GOLGA8J: variants seen among roughly 807,000 people sequenced by gnomAD.
The protein encoded by GOLGA8J is golgin subfamily A member 8J.
Under a neutral mutation model 67.7 loss-of-function variants are expected in GOLGA8J, and 19 were observed. The observed-to-expected ratio is 0.28, with a 90% CI of 0.20 to 0.41. The LOEUF (loss-of-function observed/expected upper bound fraction) is 0.41. GOLGA8J is among the 10% of genes least tolerant of loss of function. The pLI, the probability that GOLGA8J is intolerant of heterozygous loss-of-function variation, is 1.00. For synonymous variants in GOLGA8J, 69 were observed against 215.9 expected, an observed-to-expected ratio of 0.32 and a Z score of 5.97; for missense variants, 205 against 584.3, an observed-to-expected ratio of 0.35 and a Z score of 6.69.
rs2057448447 is a variant in GOLGA8J at position 30,094,440 on chromosome 15, C to T, written c.*941C>T. On this transcript the variant is annotated 3_prime_UTR_variant, in exon 19 of 19. Transcript: ENST00000567927. The stretch of plus-strand genomic sequence containing the variant: ...CAGAGTTCATGTTACCTGTTTTAAT[C>T]ACATGACTACATGTCCCAGTACACA... 7.0e-6 allele frequency among the ~76,000 whole-genome samples: 1 copy of T among 143,782 alleles called. No individual in the cohort carries two copies. Among genetic ancestry groups the T allele is most frequent in the South Asian group, 2.2e-4 (1 of 4,640 alleles). The allele number at this position is 143,782 out of a possible 152,430, so 94.3% of individuals were successfully genotyped here.
At chr15:30,085,344 A>G (rs2057339173) in intron 2 of GOLGA8J, among the ~76,000 whole-genome samples, 1 of 83,352 alleles carries the variant, frequency 1.2e-5, no homozygotes, top group Admixed American at 1.1e-4. Context: ...TGCTAGGGAT[A>G]TGATTTAGGG....
intron 13 of GOLGA8J, among the ~76,000 whole-genome samples, chr15:30,090,686 CAAAAAA>C (rs71270989): frequency 8.4e-5 from 5 of 59,384 alleles, no homozygotes; most frequent in South Asian, 5.3e-4. Context: ...ACTAAAATTA[CAAAAAA>C]AAAAAAAAAA....
chr15:30,088,044 C>CGTGTGCAT (rs1247284418), intron 8 of GOLGA8J: 1 of 508,996 alleles, frequency 2.0e-6, no homozygotes, highest in African/African-American at 3.4e-5. Context: ...AAAGAGGAAA[C>CGTGTGCAT]GTGTGTGCGT....
At chr15:30,085,695 T>G (rs565225654) in intron 2 of GOLGA8J, 88 bp from the exon 3 acceptor site, 1 of 7,344 alleles carries the variant, frequency 1.4e-4, no homozygotes, top group South Asian at 1.1e-3. Flanking sequence ...AAAGAAAATG[T>G]TGCCAGTTGA....
Position 30,089,998 on chromosome 15 carries a change from C to T in GOLGA8J, c.1131+42C>T, listed in dbSNP as rs746776224. ...GGGGAGCTTGCCCTCCTCCCTAGAC[C>T]TCCGGGCCTTTGTTTCCCCACCTCT... On this transcript the variant is annotated intron_variant, in intron 12 of 18. Transcript: ENST00000567927. 2.1e-6 allele frequency: 3 copies of T among 1,451,558 alleles called. 1 individual carries two copies. Among genetic ancestry groups the T allele is most frequent in the Non-Finnish European group, 1.8e-6 (2 of 1,104,776 alleles). 89.9% of individuals were successfully genotyped at this position (1,451,558 alleles called of 1,614,324 possible).
Position 30,095,161 on chromosome 15 carries a change from G to A in GOLGA8J, c.*1662G>A, listed in dbSNP as rs1321714491. ...AACTTCATGAAGTTCTAATGTCTGT[G>A]TTCCAAAACACATCACATTGTTAGG... On this transcript the variant is annotated 3_prime_UTR_variant, in exon 19 of 19. Coordinates refer to ENST00000567927, the MANE Select transcript of GOLGA8J (RefSeq NM_001282472.2). Among the ~76,000 whole-genome samples the A allele has an allele frequency of 6.9e-6, 1 of 144,420 alleles. No homozygotes were observed. The highest frequency in any genetic ancestry group is 2.1e-4 in the East Asian group (1 of 4,776). The allele number at this position is 144,420 out of a possible 152,430, so 94.7% of individuals were successfully genotyped here. A position where few individuals can be genotyped will look rare whatever the true frequency, so the allele number is the denominator to read the frequency against.
At chr15:30,083,210 C>T in intron 1 of GOLGA8J, 110 bp downstream of exon 1, 19 of 37,818 alleles carry the variant, frequency 5.0e-4, no homozygotes, top group Non-Finnish European at 7.8e-4. Context: ...CTGGTCCCCC[C>T]TACCCCGGTG....
chr15:30,091,932 C>G, intron 14 of GOLGA8J, 110 bp from the exon 15 acceptor site: 1 of 1,022,960 alleles, frequency 9.8e-7, no homozygotes, highest in Non-Finnish European at 1.5e-6. Flanking sequence ...GCTCATTCCT[C>G]TCTGGGGAGG....
chr15:30,090,686 CA>C (rs71270989), intron 13 of GOLGA8J, among the ~76,000 whole-genome samples: 3,194 of 59,374 alleles, frequency 0.054, 200 homozygotes, highest in African/African-American at 0.16. Flanking sequence ...ACTAAAATTA[CA>C]AAAAAAAAAA....
intron 8 of GOLGA8J, chr15:30,088,026 T>G (rs1294344785): frequency 1.8e-6 from 1 of 549,180 alleles, no homozygotes; most frequent in Non-Finnish European, 3.4e-6. Flanking sequence ...ATGTTACCAT[T>G]TCTGTAGAAA....
chr15:30,090,000 C>T (rs768490195), intron 12 of GOLGA8J, 44 bp downstream of exon 12: 13 of 1,449,288 alleles, frequency 9.0e-6, no homozygotes, highest in Non-Finnish European at 1.2e-5. Flanking sequence ...CCCTAGACCT[C>T]CGGGCCTTTG....
In GOLGA8J at chr15:30,092,020, C is replaced by T. The variant is rs1332505676; in HGVS notation, c.1277-22C>T. ...CCTCCCTTGTTGGGTTGTCTGAAGA[C>T]CCGTCTGACCACCCCCCACAGGACA... On this transcript the variant is annotated intron_variant, in intron 14 of 18. Coordinates refer to ENST00000567927, the MANE Select transcript of GOLGA8J (RefSeq NM_001282472.2). 1.0e-5 allele frequency: 16 copies of T among 1,597,854 alleles called. 1 individual carries two copies. Among genetic ancestry groups the T allele is most frequent in the Non-Finnish European group, 1.4e-5 (16 of 1,173,630 alleles).
rs528828251 is a variant in GOLGA8J at position 30,088,583 on chromosome 15, T to TAG, written c.592-157_592-156insAG. 3.3e-3 allele frequency among the ~76,000 whole-genome samples: 484 copies of TAG among 148,048 alleles called. 31 individuals are homozygous for TAG. Among genetic ancestry groups the TAG allele is most frequent in the African/African-American group, 0.012 (467 of 39,210 alleles). On this transcript the variant is annotated intron_variant, in intron 8 of 18. Coordinates refer to ENST00000567927, the MANE Select transcript of GOLGA8J (RefSeq NM_001282472.2). ...GTCTCATTCCCTGTCCGTTCCAACTTTACTGAGTTCTTTTAAAAACCAGAC... is the reference window on the plus strand; with the variant it reads ...GTCTCATTCCCTGTCCGTTCCAACTTAGTACTGAGTTCTTTTAAAAACCAGAC...
Position 30,090,361 on chromosome 15 carries a change from C to T in GOLGA8J, c.1200+81C>T, listed in dbSNP as rs2338480. 110 of 1,488,254 alleles carry T rather than the reference C, an allele frequency of 7.4e-5. 1 individual carries two copies. The highest frequency in any genetic ancestry group is 7.1e-4 in the Middle Eastern group (3 of 4,238). 92.2% of individuals were successfully genotyped at this position (1,488,254 alleles called of 1,614,324 possible). Reference sequence around the variant, plus strand: ...GCCTCTTGGGAGGGGAGGTGCCAGGCCAGAGGCAGCTTCCAGCCTGGGGGC... The same window carrying T: ...GCCTCTTGGGAGGGGAGGTGCCAGGTCAGAGGCAGCTTCCAGCCTGGGGGC... On this transcript the variant is annotated intron_variant, in intron 13 of 18. Transcript: ENST00000567927.
At position 30,092,943 on chromosome 15, in the gene GOLGA8J, C is replaced by G; in HGVS notation, c.1522C>G (p.Leu508Val). Residue 508 changes from leucine to valine, a missense_variant, in exon 17 of 19, where the codon CTG (leucine) becomes GTG (valine). Physicochemically the swap from Leu to Val is conservative, Grantham distance 32. Transcript: ENST00000567927. ...EPGGRAKDAA[L>V]GGGHHQAGAQ... The stretch of plus-strand genomic sequence containing the variant: ...AGGGGGCCGTGCCAAAGATGCGGCA[C>G]TGGGAGGAGGACACCATCAGGCTGG... The G allele has an allele frequency of 3.4e-6, 5 of 1,488,326 alleles. 1 individual carries two copies. The highest frequency in any genetic ancestry group is 4.8e-5 in the East Asian group (2 of 41,782). The allele number at this position is 1,488,326 out of a possible 1,614,324, so 92.2% of individuals were successfully genotyped here.
Position 30,084,953 on chromosome 15 carries a change from T to G in GOLGA8J, c.168+63T>G, listed in dbSNP as rs1329488544. On this transcript the variant is annotated intron_variant, in intron 2 of 18. Transcript: ENST00000567927. ...CCCAAGGGGCAGTAGAGGGTAATTG[T>G]TAAGATTGTGGATGGACTGCTGGGT... 1.6e-5 allele frequency: 24 copies of G among 1,489,206 alleles called. 3 individuals carry two copies. Among genetic ancestry groups the G allele is most frequent in the Non-Finnish European group, 2.1e-5 (24 of 1,136,892 alleles). 92.2% of individuals were successfully genotyped at this position (1,489,206 alleles called of 1,614,324 possible).
rs1329596570 is a variant in GOLGA8J at position 30,094,339 on chromosome 15, G to A, written c.*840G>A. On this transcript the variant is annotated 3_prime_UTR_variant, in exon 19 of 19. Transcript: ENST00000567927. ...AAGGGCTTATTTCTGAGGAATGAAA[G>A]GTTCCCATCATTGACTGTGGATGTG... 6.8e-6 allele frequency among the ~76,000 whole-genome samples: 1 copy of A among 147,866 alleles called. No homozygotes were observed. Among genetic ancestry groups the A allele is most frequent in the Admixed American group, 6.7e-5 (1 of 14,966 alleles).
In GOLGA8J at chr15:30,084,820, A is replaced by T; in HGVS notation, c.98A>T (p.Asn33Ile). Residue 33 changes from asparagine (N) to isoleucine (I), a missense_variant, in exon 2 of 19, where the codon AAC (asparagine) becomes ATC (isoleucine). Asn to Ile is a moderately radical substitution (Grantham distance 149, BLOSUM62 -3). Coordinates refer to ENST00000567927, the MANE Select transcript of GOLGA8J (RefSeq NM_001282472.2). The stretch of plus-strand genomic sequence containing the variant: ...AGCCCTAGAGTTCCAGCAGGAGCGA[A>T]CAGGAACAGGAAAACAAATGGCAGT... Reference protein sequence around the residue: ...KNSPRVPAGANRNRKTNGSIP... With the variant: ...KNSPRVPAGAIRNRKTNGSIP... 1 of 1,320,542 alleles carries T rather than the reference A, an allele frequency of 7.6e-7. No individual in the cohort carries two copies. The highest frequency in any genetic ancestry group is 9.9e-7 in the Non-Finnish European group (1 of 1,014,118). The allele number at this position is 1,320,542 out of a possible 1,614,324, so 81.8% of individuals were successfully genotyped here. A position where few individuals can be genotyped will look rare whatever the true frequency, so the allele number is the denominator to read the frequency against.
At position 30,095,025 on chromosome 15, in the gene GOLGA8J, A is replaced by G. The variant is rs2140587827; in HGVS notation, c.*1526A>G. Among the ~76,000 whole-genome samples the G allele has an allele frequency of 6.8e-6, 1 of 146,420 alleles. No homozygotes were observed. Among genetic ancestry groups the G allele is most frequent in the East Asian group, 2.0e-4 (1 of 4,934 alleles). On this transcript the variant is annotated 3_prime_UTR_variant, in exon 19 of 19. Coordinates refer to ENST00000567927, the MANE Select transcript of GOLGA8J (RefSeq NM_001282472.2). ...ACCTCTGGGTTTCTGTTCGGGACAT[A>G]TTTTGTGCAATATTTATGTGATTGT...
Sources: allele counts gnomAD v4.1 joint callset (sites outside exome capture counted in the v4.1 genomes callset), GRCh38; gene constraint gnomAD v4.1.1; transcripts MANE v1.5; gene names NCBI Gene and HGNC (gene_info 2026-07-23, HGNC 2026-07-21).